The following SMAP1 variants were observed in gnomAD, a reference collection of about 807,000 sequenced individuals.
SMAP1 encodes small ArfGAP 1.
A neutral mutation model predicts 58.5 loss-of-function variants in SMAP1; 24 were observed. The observed-to-expected ratio is 0.41, with a 90% CI of 0.30 to 0.58. The LOEUF is 0.58. SMAP1 is among the 20% of genes least tolerant of loss of function. SMAP1 has a pLI of 0.29. For synonymous variants in SMAP1, 216 were observed against 196.6 expected (o/e 1.10, Z -0.82); for missense variants, 563 against 566.3 (o/e 0.99, Z 0.06).
At chr6:70,777,453 T>C (rs934926607) in intron 4 of SMAP1, among the ~76,000 whole-genome samples, 1 of 150,444 alleles carries the variant, frequency 6.6e-6, no homozygotes, top group Non-Finnish European at 1.5e-5. Flanking sequence ...CTTATTTTTT[T>C]ATTATTATTT....
At chr6:70,706,531 G>A (rs1231278891) in intron 1 of SMAP1, among the ~76,000 whole-genome samples, 4 of 152,138 alleles carry the variant, frequency 2.6e-5, no homozygotes, top group African/African-American at 9.7e-5. Context: ...GTTATACAGA[G>A]GTTAAAGAGG....
intron 1 of SMAP1, among the ~76,000 whole-genome samples, chr6:70,706,325 A>C (rs1010026432): frequency 6.6e-6 from 1 of 152,214 alleles, no homozygotes; most frequent in Admixed American, 6.5e-5. Context: ...AACTATCTTA[A>C]AATCTTAAGA....
intron 4 of SMAP1, among the ~76,000 whole-genome samples, chr6:70,778,208 G>A (rs1457410625): frequency 2.0e-5 from 3 of 152,022 alleles, no homozygotes; most frequent in Non-Finnish European, 4.4e-5. Context: ...GTTATCCTTT[G>A]TGTTACAAAC....
At chr6:70,814,590 C>T (rs1005624178) in intron 6 of SMAP1, among the ~76,000 whole-genome samples, 6 of 152,082 alleles carry the variant, frequency 3.9e-5, no homozygotes, top group Non-Finnish European at 7.4e-5. Flanking sequence ...TGTTTCCTTT[C>T]GTCTGAATTT....
At chr6:70,844,439 A>G (rs1187286697) in intron 7 of SMAP1, among the ~76,000 whole-genome samples, 1 of 152,138 alleles carries the variant, frequency 6.6e-6, no homozygotes, top group Non-Finnish European at 1.5e-5. Context: ...GAATCCCCTG[A>G]TCAAAAGTTG....
intron 7 of SMAP1, among the ~76,000 whole-genome samples, chr6:70,838,606 T>G (rs115123287): frequency 6.6e-6 from 1 of 152,096 alleles, no homozygotes; most frequent in East Asian, 1.9e-4. Flanking sequence ...AAGAGTATTC[T>G]GAGAAGAACA....
At chr6:70,850,332 G>T (rs1237725289) in intron 7 of SMAP1, among the ~76,000 whole-genome samples, 2 of 151,884 alleles carry the variant, frequency 1.3e-5, no homozygotes, top group Admixed American at 1.3e-4. Context: ...ATTTTCTCAT[G>T]TTAAATTTTT....
intron 4 of SMAP1, among the ~76,000 whole-genome samples, chr6:70,788,471 TA>T (rs531819936): frequency 8.7e-4 from 131 of 150,264 alleles, no homozygotes; most frequent in Middle Eastern, 3.4e-3. Context: ...AAAAATAAAA[TA>T]AAAAAAAACT....
At chr6:70,684,554 A>G (rs1234935291) in intron 1 of SMAP1, among the ~76,000 whole-genome samples, 3 of 152,184 alleles carry the variant, frequency 2.0e-5, no homozygotes, top group Non-Finnish European at 4.4e-5. Flanking sequence ...ATGACCACCA[A>G]ATCCTTAAAT....
intron 1 of SMAP1, among the ~76,000 whole-genome samples, chr6:70,687,952 T>C (rs1766999659): frequency 1.3e-5 from 2 of 152,258 alleles, no homozygotes; most frequent in Middle Eastern, 6.8e-3. Context: ...CACATACTTT[T>C]CTCTGTCCCA....
chr6:70,746,415 A>G (rs1317624616), intron 2 of SMAP1, among the ~76,000 whole-genome samples: 5 of 152,208 alleles, frequency 3.3e-5, no homozygotes, highest in East Asian at 1.9e-4. Context: ...CCTTTTCTGC[A>G]TCTGTTGAGA....
chr6:70,822,260 T>C (rs1043789799), intron 6 of SMAP1, among the ~76,000 whole-genome samples: 1 of 152,184 alleles, frequency 6.6e-6, no homozygotes, highest in Non-Finnish European at 1.5e-5. Context: ...AGCACATACT[T>C]TGTGCTTAAT....
At chr6:70,767,199 C>T (rs1767030706) in intron 3 of SMAP1, among the ~76,000 whole-genome samples, 1 of 151,876 alleles carries the variant, frequency 6.6e-6, no homozygotes, top group Non-Finnish European at 1.5e-5. Flanking sequence ...CAGCTTTGTT[C>T]TTTTGGCTTA....
At chr6:70,754,008 A>G (rs1766386990) in intron 2 of SMAP1, among the ~76,000 whole-genome samples, 1 of 152,100 alleles carries the variant, frequency 6.6e-6, no homozygotes, top group South Asian at 2.1e-4. Flanking sequence ...AGTTCTGTGT[A>G]TACTTGAGGG....
intron 1 of SMAP1, among the ~76,000 whole-genome samples, chr6:70,676,134 C>G (rs770746177): frequency 3.3e-5 from 5 of 152,144 alleles, no homozygotes; most frequent in Admixed American, 6.5e-5. Flanking sequence ...CCTAATTTCC[C>G]CTGGACTTTT....
intron 5 of SMAP1, among the ~76,000 whole-genome samples, chr6:70,792,751 A>C (rs554564582): frequency 6.6e-6 from 1 of 152,078 alleles, no homozygotes; most frequent in Admixed American, 6.6e-5. Context: ...CAAGGCTCCT[A>C]TCTTTCTCAT....
intron 1 of SMAP1, among the ~76,000 whole-genome samples, chr6:70,685,387 A>T (rs1349703663): frequency 6.6e-6 from 1 of 151,752 alleles, no homozygotes; most frequent in Non-Finnish European, 1.5e-5. Flanking sequence ...AGGAGCCTTT[A>T]CTTTAAAGAG....
At chr6:70,707,551 A>G (rs1473236868) in intron 1 of SMAP1, among the ~76,000 whole-genome samples, 1 of 152,222 alleles carries the variant, frequency 6.6e-6, no homozygotes. Context: ...AAGCTTGAAA[A>G]TAGACATCTG....
intron 1 of SMAP1, among the ~76,000 whole-genome samples, chr6:70,715,103 C>CTTT (rs34027498): frequency 2.8e-5 from 3 of 108,888 alleles, no homozygotes; most frequent in Admixed American, 9.9e-5. Context: ...TTTTTTTTTC[C>CTTT]TTTTTTTTTT....
Sources: gnomAD v4.1 joint callset for allele counts (sites outside exome capture counted in the v4.1 genomes callset) on GRCh38, gnomAD v4.1.1 for gene constraint, MANE v1.5 for transcripts, NCBI Gene and HGNC (gene_info 2026-07-23, HGNC 2026-07-21) for gene names.